PCDHGA9: variants seen among roughly 807,000 people sequenced by gnomAD.
The protein encoded by PCDHGA9 is protocadherin gamma subfamily A, 9, also known as protocadherin gamma-A9.
PCDHGA9 carries 37 observed loss-of-function variants against 62.5 expected under a neutral mutation model. The observed-to-expected ratio is 0.59, with a 90% CI of 0.46 to 0.78. PCDHGA9 has a LOEUF of 0.78. PCDHGA9 is among the 30% of genes least tolerant of loss of function. PCDHGA9 has a pLI of 0.00. For synonymous variants in PCDHGA9, 459 were observed against 484.6 expected (o/e 0.95, Z 0.69); for missense variants, 1,138 against 1,166.2 (o/e 0.98, Z 0.35).
rs376721940 is a variant in PCDHGA9, at chr5:141,410,147, G to A, written c.2424+4771G>A. 18 of 1,612,952 alleles carry A rather than the reference G, an allele frequency of 1.1e-5. No homozygotes were observed. The East Asian group carries it at 3.6e-4, about 32-fold the overall frequency. ...GCGCCTGCTGGTCGCTGTGCGTGAC[G>A]GTGGACAGCCGCCACTCTCTGCCAC... On this transcript the variant is annotated intron_variant, in intron 1 of 3. Transcript: ENST00000573521.
intron 1 of PCDHGA9, chr5:141,426,867 G>A (rs1436078091): frequency 4.4e-6 from 2 of 456,708 alleles, no homozygotes; most frequent in Non-Finnish European, 8.8e-6. Flanking sequence ...ATTAGTGCTG[G>A]AGAAGCCCCT....
intron 1 of PCDHGA9, chr5:141,413,604 C>T: frequency 5.6e-6 from 9 of 1,613,818 alleles, no homozygotes; most frequent in Non-Finnish European, 7.6e-6. Flanking sequence ...AAAATCTAGA[C>T]GTAAAAATTA....
At chr5:141,465,337 G>GCC (rs2099101328) in intron 1 of PCDHGA9, among the ~76,000 whole-genome samples, 6 of 151,962 alleles carry the variant, frequency 3.9e-5, no homozygotes, top group Admixed American at 2.6e-4. Flanking sequence ...TTTTTATATT[G>GCC]GTTACTGAAG....
intron 1 of PCDHGA9, chr5:141,409,361 G>A (rs754448763): frequency 6.2e-7 from 1 of 1,613,964 alleles, no homozygotes; most frequent in Non-Finnish European, 8.5e-7. Flanking sequence ...GTGTAATATA[G>A]AAACAGACAT....
At chr5:141,438,585 TAC>T (rs1561889967) in intron 1 of PCDHGA9, among the ~76,000 whole-genome samples, 141 of 61,160 alleles carry the variant, frequency 2.3e-3, no homozygotes, top group South Asian at 4.3e-3. Flanking sequence ...CATACATACA[TAC>T]ATACATATAT....
chr5:141,410,345 C>T, intron 1 of PCDHGA9: 1 of 1,614,040 alleles, frequency 6.2e-7, no homozygotes, highest in Non-Finnish European at 8.5e-7. Flanking sequence ...TGCCTTGCGC[C>T]TGCGACGCTC....
At chr5:141,467,373 T>C (rs2099143070) in intron 1 of PCDHGA9, among the ~76,000 whole-genome samples, 1 of 152,064 alleles carries the variant, frequency 6.6e-6, no homozygotes, top group Non-Finnish European at 1.5e-5. Context: ...TTTCTTATAT[T>C]GCATTTAGGT....
chr5:141,469,834 T>C (rs1228732202), intron 1 of PCDHGA9, among the ~76,000 whole-genome samples: 4 of 152,068 alleles, frequency 2.6e-5, no homozygotes, highest in African/African-American at 9.7e-5. Context: ...ACATAAAACT[T>C]ATTCTTAAGA....
At chr5:141,414,491 A>T in intron 1 of PCDHGA9, 1 of 1,613,962 alleles carries the variant, frequency 6.2e-7, no homozygotes, top group Non-Finnish European at 8.5e-7. Flanking sequence ...CTATCAACGG[A>T]AGCTCACTTT....
chr5:141,432,288 A>C lies in PCDHGA9; in HGVS notation c.2424+26912A>C. ...TCGTCCTACGTGTCCATCAACTCCG[A>C]CACTGGGGTACTGTATGCGCTGAGC... On this transcript the variant is annotated intron_variant, in intron 1 of 3. Coordinates refer to ENST00000573521, the MANE Select transcript of PCDHGA9 (RefSeq NM_018921.3). This position sits in a 1 kb window ranked among gnomAD's most constrained non-coding sequence, Gnocchi z 6.0. 1 of 1,614,192 alleles carries C rather than the reference A, an allele frequency of 6.2e-7. No individual in the cohort carries two copies. Among genetic ancestry groups the C allele is most frequent in the Non-Finnish European group, 8.5e-7 (1 of 1,180,018 alleles).
chr5:141,476,666 G>T lies in PCDHGA9; in HGVS notation c.2425-18141G>T. 9 of 1,614,246 alleles carry T rather than the reference G, an allele frequency of 5.6e-6. No homozygotes were observed. Among genetic ancestry groups the T allele is most frequent in the Non-Finnish European group, 7.6e-6 (9 of 1,180,044 alleles). ...CCGAAATGAATACTTTGCGCTTCGC[G>T]TGCAGACGCGGGAGGACAGCACCAA... On this transcript the variant is annotated intron_variant, in intron 1 of 3. Transcript: ENST00000573521. This position sits in a 1 kb window ranked among gnomAD's most constrained non-coding sequence, Gnocchi z 7.6.
rs369794418 is a variant in PCDHGA9, at chr5:141,497,143, G to A, written c.2483+2278G>A. Among the ~76,000 whole-genome samples the A allele has an allele frequency of 7.3e-5, 11 of 150,108 alleles. No individual in the cohort carries two copies. In the East Asian group the frequency reaches 1.6e-3, roughly 21 times the overall value. On this transcript the variant is annotated intron_variant, in intron 2 of 3. Coordinates refer to ENST00000573521, the MANE Select transcript of PCDHGA9 (RefSeq NM_018921.3). ...AGAGGTTGCAGTGAGCTGAGATCAC[G>A]AAAAAAAAATAATCTAGCCACAAAT...
rs771088007 is a variant in PCDHGA9, at chr5:141,423,000, G to A, written c.2424+17624G>A. On this transcript the variant is annotated intron_variant, in intron 1 of 3. Transcript: ENST00000573521. ...CGGAACCTGGCTACCTGGTGACCAA[G>A]GTGGTTGCGGTGGACAAAGATTCAG... The A allele has an allele frequency of 9.3e-6, 15 of 1,614,116 alleles. No homozygotes were observed. The African/African-American group carries it at 1.9e-4, about 20-fold the overall frequency.
chr5:141,491,937 AC>A lies in PCDHGA9; in HGVS notation c.2425-2865del. ...CTGTGGGCGAGGGGAGGTGGGACCG[AC>A]CCCCACCCCTACACTCAAAAAAGGC... On this transcript the variant is annotated intron_variant, in intron 1 of 3. Transcript: ENST00000573521. This position sits in a 1 kb window ranked among gnomAD's most constrained non-coding sequence, Gnocchi z 6.9. The A allele has an allele frequency of 3.4e-6, 4 of 1,164,304 alleles. No homozygotes were observed. Among genetic ancestry groups the A allele is most frequent in the Non-Finnish European group, 4.7e-6 (4 of 858,404 alleles). The allele number at this position is 1,164,304 out of a possible 1,614,324, so 72.1% of individuals were successfully genotyped here.
intron 1 of PCDHGA9, among the ~76,000 whole-genome samples, chr5:141,454,252 A>T (rs1288181537): frequency 6.6e-6 from 1 of 152,214 alleles, no homozygotes; most frequent in Non-Finnish European, 1.5e-5. Context: ...AAGATGTCCC[A>T]GAGAAAGTAA....
chr5:141,415,860 A>G (rs2095965840), intron 1 of PCDHGA9: 3 of 1,175,636 alleles, frequency 2.6e-6, no homozygotes, highest in Middle Eastern at 3.1e-4. Context: ...CTTGTAGTTT[A>G]TAGTGTTGTT....
chr5:141,446,398 G>A (rs1379233102), intron 1 of PCDHGA9, among the ~76,000 whole-genome samples: 2 of 152,128 alleles, frequency 1.3e-5, no homozygotes, highest in African/African-American at 2.4e-5. Context: ...AAGAGAAATC[G>A]AGTTGAGTTC....
At chr5:141,460,453 A>G (rs1487816393) in intron 1 of PCDHGA9, among the ~76,000 whole-genome samples, 1 of 152,152 alleles carries the variant, frequency 6.6e-6, no homozygotes, top group Non-Finnish European at 1.5e-5. Flanking sequence ...ATGAAGATTC[A>G]TATTTTTTTC....
chr5:141,489,250 A>C lies in PCDHGA9; in HGVS notation c.2425-5557A>C. 1 of 1,546,554 alleles carries C rather than the reference A, an allele frequency of 6.5e-7. No individual in the cohort carries two copies. The highest frequency in any genetic ancestry group is 8.7e-7 in the Non-Finnish European group (1 of 1,146,722). On this transcript the variant is annotated intron_variant, in intron 1 of 3. Transcript: ENST00000573521. This position sits in a 1 kb window ranked among gnomAD's most constrained non-coding sequence, Gnocchi z 4.5. The stretch of plus-strand genomic sequence containing the variant: ...AAGGGACTTCTGGGTCATGGGGCCC[A>C]AGACACTCCCACAGCTCGCTGGGAA...
Sources: gnomAD v4.1 joint callset for allele counts (sites outside exome capture counted in the v4.1 genomes callset) on GRCh38, gnomAD v4.1.1 for gene constraint, Gnocchi (gnomAD v3.1) non-coding constraint, MANE v1.5 for transcripts, NCBI Gene and HGNC (gene_info 2026-07-23, HGNC 2026-07-21) for gene names.